CSMD1: variants seen among roughly 807,000 people sequenced by gnomAD.
The protein encoded by CSMD1 is CUB and Sushi multiple domains 1, also known as CUB and sushi domain-containing protein 1.
CSMD1 carries 213 observed loss-of-function variants against 417.5 expected under a neutral mutation model. That is an observed-to-expected ratio of 0.51 (90% CI 0.46 to 0.57). CSMD1 has a LOEUF of 0.57. CSMD1 is among the 20% of genes least tolerant of loss of function. The pLI, the probability that CSMD1 is intolerant of heterozygous loss-of-function variation, is 0.00. For missense variants in CSMD1, 6,923 were observed against 4,529.7 expected (o/e 1.53, Z -15.17); for synonymous variants, 2,862 against 1,736.8 (o/e 1.65, Z -16.11).
chr8:4,460,142 G>C (rs976592296), intron 2 of CSMD1, among the ~76,000 whole-genome samples: 1 of 152,088 alleles, frequency 6.6e-6, no homozygotes, highest in East Asian at 1.9e-4. Flanking sequence ...TATTTAAAAT[G>C]AGTGAAATTA....
intron 1 of CSMD1, among the ~76,000 whole-genome samples, chr8:4,759,370 A>C (rs770742597): frequency 1.3e-5 from 2 of 152,218 alleles, no homozygotes; most frequent in Non-Finnish European, 2.9e-5. Flanking sequence ...CAGGGCCAGC[A>C]TGCAAGAGGC....
At chr8:3,456,815 G>C (rs1816175919) in intron 12 of CSMD1, among the ~76,000 whole-genome samples, 1 of 152,030 alleles carries the variant, frequency 6.6e-6, no homozygotes, top group South Asian at 2.1e-4. Context: ...TAAAGGCCAG[G>C]GGTATTCAGA....
chr8:3,266,028 A>G (rs755952270), intron 26 of CSMD1, among the ~76,000 whole-genome samples: 17 of 151,966 alleles, frequency 1.1e-4, no homozygotes, highest in Non-Finnish European at 2.4e-4. Context: ...TTCATGAGGT[A>G]GACATGAGCT....
chr8:3,104,800 T>C (rs112024362), intron 46 of CSMD1, among the ~76,000 whole-genome samples: 23,814 of 150,682 alleles, frequency 0.16, 2,007 homozygotes, highest in Non-Finnish European at 0.18. Context: ...CTCCACCTCC[T>C]GGGTTCAAGC....
intron 49 of CSMD1, among the ~76,000 whole-genome samples, chr8:3,085,783 C>T (rs1459888440): frequency 6.6e-6 from 1 of 152,200 alleles, no homozygotes; most frequent in African/African-American, 2.4e-5. Flanking sequence ...ACCTCATAAT[C>T]CGTTTCCAGA....
chr8:3,962,307 T>G (rs557649071), intron 5 of CSMD1, among the ~76,000 whole-genome samples: 78 of 118,744 alleles, frequency 6.6e-4, no homozygotes, highest in African/African-American at 2.3e-3. Context: ...ACTTGGGATT[T>G]GGTTCCAGCA....
At chr8:4,786,728 C>T (rs1797421049) in intron 1 of CSMD1, among the ~76,000 whole-genome samples, 1 of 151,994 alleles carries the variant, frequency 6.6e-6, no homozygotes, top group African/African-American at 2.4e-5. Flanking sequence ...GAAAGTAGTC[C>T]ATTATCTTTA....
At chr8:4,307,842 G>T (rs532083308) in intron 3 of CSMD1, among the ~76,000 whole-genome samples, 5 of 152,274 alleles carry the variant, frequency 3.3e-5, no homozygotes, top group Middle Eastern at 3.4e-3. Context: ...TAACTGTGGT[G>T]AAACTCAACA....
chr8:4,149,400 C>A (rs544314359), intron 3 of CSMD1, among the ~76,000 whole-genome samples: 1 of 152,138 alleles, frequency 6.6e-6, no homozygotes, highest in Non-Finnish European at 1.5e-5. Context: ...TAGGTGGTAA[C>A]TGCCATAGCT....
At chr8:4,563,326 A>C (rs936975251) in intron 2 of CSMD1, among the ~76,000 whole-genome samples, 1 of 152,166 alleles carries the variant, frequency 6.6e-6, no homozygotes, top group Non-Finnish European at 1.5e-5. Flanking sequence ...GCGTGAACCC[A>C]GGAGATAGAG....
At chr8:4,095,270 G>C (rs548318093) in intron 3 of CSMD1, among the ~76,000 whole-genome samples, 2 of 152,140 alleles carry the variant, frequency 1.3e-5, no homozygotes, top group African/African-American at 2.4e-5. Flanking sequence ...CCTCCGAGGA[G>C]ATTAAAATGT....
chr8:4,742,620 C>T (rs1810695004), intron 1 of CSMD1, among the ~76,000 whole-genome samples: 1 of 151,920 alleles, frequency 6.6e-6, no homozygotes, highest in African/African-American at 2.4e-5. Context: ...TTTATTAATA[C>T]TGCTTCTATT....
intron 10 of CSMD1, among the ~76,000 whole-genome samples, chr8:3,507,533 C>T (rs1391875361): frequency 6.6e-6 from 1 of 152,154 alleles, no homozygotes; most frequent in Non-Finnish European, 1.5e-5. Flanking sequence ...AATGGGATTG[C>T]TGGGTCAAAT....
At chr8:3,656,726 G>C (rs1028621209) in intron 7 of CSMD1, among the ~76,000 whole-genome samples, 17 of 152,138 alleles carry the variant, frequency 1.1e-4, no homozygotes, top group African/African-American at 3.6e-4. Context: ...AGCAGTCCGA[G>C]ACCAGCCTGG....
rs186315856 is a variant in CSMD1, at chr8:3,835,357, G to A, written c.819-81315C>T. Among the ~76,000 whole-genome samples the A allele has an allele frequency of 2.2e-4, 34 of 152,220 alleles. 1 individual carries two copies. Among genetic ancestry groups the A allele is most frequent in the South Asian group, 2.1e-3 (10 of 4,820 alleles). On this transcript the variant is annotated intron_variant, in intron 5 of 69. Transcript: ENST00000635120. ...CGACAGACTGGATTAAGAAACTGTG[G>A]TCCATATACACCATGGAATACTACG...
chr8:3,775,356 A>G (rs920264484), intron 5 of CSMD1, among the ~76,000 whole-genome samples: 7 of 152,302 alleles, frequency 4.6e-5, no homozygotes, highest in African/African-American at 1.2e-4. Flanking sequence ...CCTCTGAACC[A>G]TCTAGCAGAC....
At chr8:4,271,164 T>G (rs1030959195) in intron 3 of CSMD1, among the ~76,000 whole-genome samples, 1 of 152,178 alleles carries the variant, frequency 6.6e-6, no homozygotes, top group Non-Finnish European at 1.5e-5. Flanking sequence ...AGATATCATT[T>G]GCATTACATA....
At chr8:4,506,145 A>G (rs1029257243) in intron 2 of CSMD1, among the ~76,000 whole-genome samples, 1 of 152,240 alleles carries the variant, frequency 6.6e-6, no homozygotes, top group Non-Finnish European at 1.5e-5. Flanking sequence ...CTGCTGTATT[A>G]GATTGGTGCA....
intron 1 of CSMD1, among the ~76,000 whole-genome samples, chr8:4,922,441 C>CA (rs2117149637): frequency 6.6e-6 from 1 of 152,262 alleles, no homozygotes; most frequent in Admixed American, 6.5e-5. Flanking sequence ...TGATATTTAG[C>CA]AATAAGAACT....
Sources: gnomAD v4.1 joint callset for allele counts (sites outside exome capture counted in the v4.1 genomes callset) on GRCh38, gnomAD v4.1.1 for gene constraint, MANE v1.5 for transcripts, NCBI Gene and HGNC (gene_info 2026-07-23, HGNC 2026-07-21) for gene names.